SNTG1: variants seen among roughly 807,000 people sequenced by gnomAD.
The protein encoded by SNTG1 is gamma-1-syntrophin.
Under a neutral mutation model 74.7 loss-of-function variants are expected in SNTG1, and 39 were observed. The ratio of observed to expected loss-of-function variants is 0.52; its 90% CI spans 0.40 to 0.68. The LOEUF is 0.68. Ranked by LOEUF, SNTG1 falls within the 30% of genes least tolerant of loss-of-function variation. The pLI is 0.00. For synonymous variants in SNTG1, 254 were observed against 217.1 expected (o/e 1.17, Z -1.49); for missense variants, 685 against 609.5 (o/e 1.12, Z -1.30).
chr8:50,687,619 G>A (rs1006391043), intron 15 of SNTG1, among the ~76,000 whole-genome samples: 10 of 152,262 alleles, frequency 6.6e-5, no homozygotes, highest in Admixed American at 3.9e-4. Context: ...TGTGCACAAC[G>A]TGCACGTTTG....
intron 1 of SNTG1, among the ~76,000 whole-genome samples, chr8:50,124,581 G>A (rs954864860): frequency 2.8e-5 from 4 of 141,556 alleles, no homozygotes; most frequent in Non-Finnish European, 4.7e-5. Context: ...ATAGCAATAC[G>A]GTCCTAATTG....
intron 17 of SNTG1, among the ~76,000 whole-genome samples, chr8:50,730,074 G>C (rs1391989600): frequency 6.6e-6 from 1 of 152,078 alleles, no homozygotes; most frequent in Non-Finnish European, 1.5e-5. Flanking sequence ...AGATAGATCA[G>C]TTTCAGAGGA....
chr8:50,012,424 A>T (rs924859756), intron 1 of SNTG1, among the ~76,000 whole-genome samples: 2 of 152,182 alleles, frequency 1.3e-5, no homozygotes, highest in Non-Finnish European at 2.9e-5. Context: ...GCTAGGAAGT[A>T]TGGAGTCTTC....
intron 15 of SNTG1, among the ~76,000 whole-genome samples, chr8:50,682,792 C>T (rs1353182057): frequency 1.3e-5 from 2 of 152,166 alleles, no homozygotes; most frequent in Non-Finnish European, 2.9e-5. Flanking sequence ...TGCTACCCAC[C>T]CAATAACTCA....
At chr8:50,777,325 A>G (rs2095643793) in intron 18 of SNTG1, among the ~76,000 whole-genome samples, 2 of 149,546 alleles carry the variant, frequency 1.3e-5, no homozygotes, top group Non-Finnish European at 3.0e-5. Context: ...TACAACTTTT[A>G]TTCTAACTGG....
chr8:50,461,181 G>A (rs2093558420), intron 8 of SNTG1, among the ~76,000 whole-genome samples: 1 of 150,870 alleles, frequency 6.6e-6, no homozygotes, highest in Admixed American at 6.6e-5. Context: ...GTGTGTGTGT[G>A]TGTGTGTGTG....
At chr8:50,146,923 T>G (rs888381901) in intron 1 of SNTG1, among the ~76,000 whole-genome samples, 5 of 152,216 alleles carry the variant, frequency 3.3e-5, no homozygotes, top group African/African-American at 1.2e-4. Context: ...AAATTCTTTA[T>G]CACATATATG....
At chr8:50,164,180 G>C (rs899172315) in intron 1 of SNTG1, 1 of 131,388 alleles carries the variant, frequency 7.6e-6, no homozygotes, top group Non-Finnish European at 1.5e-5. Context: ...AAAATGAACA[G>C]AAAGCTAATT....
intron 2 of SNTG1, among the ~76,000 whole-genome samples, chr8:50,304,589 G>C (rs1040214485): frequency 1.3e-5 from 2 of 151,724 alleles, no homozygotes; most frequent in African/African-American, 4.8e-5. Context: ...AAGAAAGCAG[G>C]GGTCACAAAC....
chr8:50,338,900 C>G (rs533738728), intron 2 of SNTG1, among the ~76,000 whole-genome samples: 1 of 152,006 alleles, frequency 6.6e-6, no homozygotes, highest in Non-Finnish European at 1.5e-5. Context: ...TTTTCCAAAA[C>G]TAATGACAGG....
chr8:50,051,834 A>C (rs985853656), intron 1 of SNTG1, among the ~76,000 whole-genome samples: 1 of 152,096 alleles, frequency 6.6e-6, no homozygotes, highest in African/African-American at 2.4e-5. Flanking sequence ...TTAGGACTTC[A>C]ACCTACTTTT....
At chr8:50,324,807 T>C (rs573064184) in intron 2 of SNTG1, among the ~76,000 whole-genome samples, 2 of 151,822 alleles carry the variant, frequency 1.3e-5, no homozygotes, top group Non-Finnish European at 2.9e-5. Context: ...TGGTTATATA[T>C]CTAAAAAGTC....
intron 1 of SNTG1, among the ~76,000 whole-genome samples, chr8:49,927,376 A>C (rs1054135329): frequency 2.6e-5 from 4 of 152,250 alleles, no homozygotes; most frequent in African/African-American, 9.6e-5. Flanking sequence ...GAATGAATAC[A>C]TAAACTCTGG....
At chr8:50,478,191 C>A (rs979662279) in intron 8 of SNTG1, among the ~76,000 whole-genome samples, 8 of 152,100 alleles carry the variant, frequency 5.3e-5, no homozygotes, top group African/African-American at 1.7e-4. Flanking sequence ...CCTTGGTTTA[C>A]CTATGTTTGT....
chr8:50,470,851 T>G (rs1347931564), intron 8 of SNTG1, among the ~76,000 whole-genome samples: 1 of 152,154 alleles, frequency 6.6e-6, no homozygotes, highest in African/African-American at 2.4e-5. Context: ...TGCAGGGGGC[T>G]CTGGTGGCCG....
At chr8:49,923,960 G>T (rs1806791979) in intron 1 of SNTG1, among the ~76,000 whole-genome samples, 1 of 152,146 alleles carries the variant, frequency 6.6e-6, no homozygotes, top group Non-Finnish European at 1.5e-5. Flanking sequence ...AGACATTAAA[G>T]AACATCATTA....
At chr8:50,285,172 C>A (rs182216248) in intron 2 of SNTG1, among the ~76,000 whole-genome samples, 1 of 152,110 alleles carries the variant, frequency 6.6e-6, no homozygotes, top group Non-Finnish European at 1.5e-5. Flanking sequence ...CAGTTTCAGG[C>A]CAGCCGCCCT....
chr8:50,665,270 A>T (rs994128880), intron 15 of SNTG1, among the ~76,000 whole-genome samples: 1 of 152,092 alleles, frequency 6.6e-6, no homozygotes, highest in African/African-American at 2.4e-5. Flanking sequence ...TGTTATGCGG[A>T]AGGTGAAATA....
intron 18 of SNTG1, among the ~76,000 whole-genome samples, chr8:50,785,724 T>C (rs1472426606): frequency 6.6e-6 from 1 of 151,222 alleles, no homozygotes; most frequent in Admixed American, 6.6e-5. Context: ...AAGAAAGCCA[T>C]AGACCAGTAT....
Sources: allele counts gnomAD v4.1 joint callset (sites outside exome capture counted in the v4.1 genomes callset), GRCh38; gene constraint gnomAD v4.1.1; transcripts MANE v1.5; gene names NCBI Gene and HGNC (gene_info 2026-07-23, HGNC 2026-07-21).